ITPR3: variants seen among roughly 807,000 people sequenced by gnomAD.
ITPR3 encodes inositol 1,4,5-trisphosphate receptor type 3.
ITPR3 carries 173 observed loss-of-function variants against 293.2 expected under a neutral mutation model. The observed-to-expected ratio is 0.59, with a 90% CI of 0.52 to 0.67. The LOEUF is 0.67. ITPR3 is among the 30% of genes least tolerant of loss of function. The probability of loss-of-function intolerance (pLI) is 0.00; values close to 1 mark genes in which losing one functional copy is unlikely to be tolerated. For synonymous variants in ITPR3, 1,295 were observed against 1,444.4 expected, an observed-to-expected ratio of 0.90 and a Z score of 2.35; for missense variants, 2,796 against 3,592.1, an observed-to-expected ratio of 0.78 and a Z score of 5.66.
chr6:33,696,031 C>A lies in ITPR3; in HGVS notation c.*251C>A. 1 of 527,198 alleles carries A rather than the reference C, an allele frequency of 1.9e-6. No homozygotes were observed. Among genetic ancestry groups the A allele is most frequent in the South Asian group, 2.5e-5 (1 of 39,424 alleles). The allele number at this position is 527,198 out of a possible 1,614,324, so 32.7% of individuals were successfully genotyped here. ...GACTCAGTTTACCTTAATGCCTTAGCAGAAGATAAATCCTACCTAGAGACC... is the reference window on the plus strand; with the variant it reads ...GACTCAGTTTACCTTAATGCCTTAGAAGAAGATAAATCCTACCTAGAGACC... On this transcript the variant is annotated 3_prime_UTR_variant, in exon 58 of 58. Coordinates refer to ENST00000605930, the MANE Select transcript of ITPR3 (RefSeq NM_002224.4).
chr6:33,690,842 T>C, intron 51 of ITPR3, 75 bp from the exon 52 acceptor site: 1 of 1,383,238 alleles, frequency 7.2e-7, no homozygotes, highest in Non-Finnish European at 1.0e-6. Flanking sequence ...CCCTCAGGGT[T>C]CCAGTGGCAG....
chr6:33,659,588 C>T, intron 7 of ITPR3, 39 bp downstream of exon 7: 1 of 1,548,738 alleles, frequency 6.5e-7, no homozygotes, highest in Non-Finnish European at 8.9e-7. Flanking sequence ...AGCTGGCCAC[C>T]TAGCCCTCCC....
At chr6:33,678,393 G>A in intron 28 of ITPR3, 28 bp from the exon 29 acceptor site, 2 of 1,609,930 alleles carry the variant, frequency 1.2e-6, no homozygotes, top group Non-Finnish European at 1.7e-6. Flanking sequence ...GGTGGGCCCA[G>A]CACCCTCTCC....
chr6:33,691,262 C>G lies in ITPR3; in HGVS notation c.7225+153C>G, dbSNP rs1340635219. Among the ~76,000 whole-genome samples, 33 of 152,352 alleles carry G rather than the reference C, an allele frequency of 2.2e-4. 1 individual carries two copies. Among genetic ancestry groups the G allele is most frequent in the African/African-American group, 7.5e-4 (31 of 41,584 alleles). On this transcript the variant is annotated intron_variant, in intron 52 of 57. Transcript: ENST00000605930. The surrounding 1 kb of genome is among the most constrained non-coding windows in gnomAD (Gnocchi z 4.9). Reference sequence around the variant, plus strand: ...CTGGGGACGTCTAGCTAACACCAGTCTGCCTCGCTCTTTTCTGGAACACAC... The same window carrying G: ...CTGGGGACGTCTAGCTAACACCAGTGTGCCTCGCTCTTTTCTGGAACACAC...
At chr6:33,665,620 C>CA (rs2127274685) in intron 13 of ITPR3, among the ~76,000 whole-genome samples, 1 of 145,262 alleles carries the variant, frequency 6.9e-6, no homozygotes, top group African/African-American at 2.5e-5. Context: ...GTCTTGGGGC[C>CA]ACTTTGGAAT....
intron 7 of ITPR3, among the ~76,000 whole-genome samples, chr6:33,661,241 A>C (rs114187420): frequency 0.012 from 1,798 of 152,240 alleles, 40 homozygotes; most frequent in African/African-American, 0.038. Flanking sequence ...CTTTGTGTCT[A>C]GTGTGTGTTC....
Position 33,688,769 on chromosome 6 carries a change from G to A in ITPR3, c.6682G>A (p.Gly2228Ser), listed in dbSNP as rs925669004. 1 of 1,614,170 alleles carries A rather than the reference G, an allele frequency of 6.2e-7. No individual in the cohort carries two copies. Reference sequence around the variant, plus strand: ...TGCCTTCTTCTACCCTTACATGGAGGGCGCGTCCACAGGTGAGAACACAGG... The same window carrying A: ...TGCCTTCTTCTACCCTTACATGGAGAGCGCGTCCACAGGTGAGAACACAGG... Reference protein sequence around the residue: ...IIAFFYPYMEGASTGVLDSPL... With the variant: ...IIAFFYPYMESASTGVLDSPL... Residue 2228 changes from glycine (G) to serine (S), a missense_variant, in exon 49 of 58, where the codon GGC becomes AGC. Around this residue, in one of 8 missense-constraint regions of ITPR3, gnomAD observed 568 missense variants for 796.1 expected, o/e 0.71. Transcript: ENST00000605930.
rs1561885429 is a variant in ITPR3 at position 33,693,611 on chromosome 6, A to C, written c.7691A>C (p.Asn2564Thr). 6.2e-7 allele frequency: 1 copy of C among 1,614,234 alleles called. No individual in the cohort carries two copies. Among genetic ancestry groups the C allele is most frequent in the East Asian group, 2.2e-5 (1 of 44,890 alleles). The change falls in exon 56 of 58, where the codon AAC becomes ACC. Residue 2564 changes from asparagine to threonine, a missense_variant. Physicochemically the swap from Asn to Thr is moderately conservative, Grantham distance 65 (BLOSUM62 0). This residue lies in a region of ITPR3 where 568 missense variants were observed against 796.1 expected (regional missense o/e 0.71). Coordinates refer to ENST00000605930, the MANE Select transcript of ITPR3 (RefSeq NM_002224.4). ...SFEEHIKLEH[N>T]MWNYLYFIVL... is the part of the protein sequence containing the mutation. ...GAGGAACACATCAAGCTGGAGCACA[A>C]CATGTGGAACTACTTGTACTTCATT...
intron 1 of ITPR3, among the ~76,000 whole-genome samples, chr6:33,636,885 G>A: frequency 6.6e-6 from 1 of 152,136 alleles, no homozygotes; most frequent in East Asian, 1.9e-4. Flanking sequence ...GGTGCTGGAG[G>A]CCGGGAGAGA....
chr6:33,665,511 A>C (rs1387793176), intron 13 of ITPR3, among the ~76,000 whole-genome samples: 1 of 152,116 alleles, frequency 6.6e-6, no homozygotes, highest in Non-Finnish European at 1.5e-5. Context: ...ACAGTTAGTA[A>C]GTGGCAGAGT....
At chr6:33,649,172 G>C (rs138382122) in intron 2 of ITPR3, among the ~76,000 whole-genome samples, 1 of 152,218 alleles carries the variant, frequency 6.6e-6, no homozygotes, top group Admixed American at 6.5e-5. Context: ...CAAAGTGCTG[G>C]GATTACAGGT....
Position 33,684,705 on chromosome 6 carries a change from C to T in ITPR3, c.5137+17C>T, listed in dbSNP as rs772961685. The stretch of plus-strand genomic sequence containing the variant: ...TAGGCACTGGTCAGTATCACCTTCC[C>T]CTGCCCCCGGGCCCTCCCTTCCACT... On this transcript the variant is annotated intron_variant, in intron 38 of 57. Transcript: ENST00000605930. This position sits in a 1 kb window ranked among gnomAD's most constrained non-coding sequence, Gnocchi z 4.2. The T allele has an allele frequency of 1.2e-4, 199 of 1,613,060 alleles. No individual in the cohort carries two copies. The highest frequency in any genetic ancestry group is 1.6e-4 in the Non-Finnish European group (190 of 1,179,492).
In ITPR3 at chr6:33,658,023, G is replaced by A; in HGVS notation, c.369+5G>A. 1 of 1,608,990 alleles carries A rather than the reference G, an allele frequency of 6.2e-7. No individual in the cohort carries two copies. Among genetic ancestry groups the A allele is most frequent in the African/African-American group, 1.3e-5 (1 of 74,840 alleles). On this transcript the variant is annotated splice_donor_5th_base_variant and intron_variant, in intron 4 of 57. Coordinates refer to ENST00000605930, the MANE Select transcript of ITPR3 (RefSeq NM_002224.4). The surrounding 1 kb of genome is among the most constrained non-coding windows in gnomAD (Gnocchi z 6.1). ...AAGTATGGCAGTGTGATCCAGGTGA[G>A]GCTGGCCTGCCTCTCTCCCGCCTGC...
intron 3 of ITPR3, 147 bp from the exon 4 acceptor site, chr6:33,657,785 G>A: frequency 1.6e-6 from 1 of 636,288 alleles, no homozygotes; most frequent in Non-Finnish European, 2.8e-6. Flanking sequence ...GCTGGGGCAG[G>A]GGTCCAAGGG....
rs1473019013 is a variant in ITPR3, at chr6:33,682,604, G to C, written c.4557G>C (p.Lys1519Asn). 6.3e-7 allele frequency: 1 copy of C among 1,597,402 alleles called. No homozygotes were observed. The highest frequency in any genetic ancestry group is 8.5e-7 in the Non-Finnish European group (1 of 1,172,866). Residue 1519 changes from lysine (K) to asparagine (N), a missense_variant, in exon 34 of 58, where the codon AAG becomes AAC. Coordinates refer to ENST00000605930, the MANE Select transcript of ITPR3 (RefSeq NM_002224.4). The surrounding 1 kb of genome is among the most constrained non-coding windows in gnomAD (Gnocchi z 5.4). ...LECPWLQQQH[K>N]GSVEACIRTL... ...GTCCGTGGCTACAGCAGCAGCACAA[G>C]GGCTCCGTGGAGGCCTGCATCCGGA...
chr6:33,695,052 C>A lies in ITPR3; in HGVS notation c.7914C>A (p.His2638Gln). ...ACTCCACCATGAAGCTGGTGTCCCACCTCACTGCCCAGCTCAACGAGCTCA... is the reference window on the plus strand; with the variant it reads ...ACTCCACCATGAAGCTGGTGTCCCAACTCACTGCCCAGCTCAACGAGCTCA... ...KLNSTMKLVS[H>Q]LTAQLNELKE... The change falls in exon 57 of 58, where the codon CAC (histidine) becomes CAA (glutamine). Residue 2638 changes from histidine (H) to glutamine (Q), a missense_variant. Coordinates refer to ENST00000605930, the MANE Select transcript of ITPR3 (RefSeq NM_002224.4). 1 of 1,614,050 alleles carries A rather than the reference C, an allele frequency of 6.2e-7. No homozygotes were observed. The highest frequency in any genetic ancestry group is 1.1e-5 in the South Asian group (1 of 91,070).
In ITPR3 at chr6:33,688,355, G is replaced by A. The variant is rs201467875; in HGVS notation, c.6492G>A (p.Gln2164=). The change falls in exon 48 of 58, where the codon CAG becomes CAA. Residue 2164 remains glutamine, a synonymous_variant. Coordinates refer to ENST00000605930, the MANE Select transcript of ITPR3 (RefSeq NM_002224.4). The part of the protein sequence containing the change: ...RLFTTTEQDE[Q]GSKVSDFFDQ... ...TCACCACTACTGAGCAGGACGAGCA[G>A]GGCAGCAAAGTGAGCGACTTCTTCG... The A allele has an allele frequency of 1.2e-6, 2 of 1,613,866 alleles. No individual in the cohort carries two copies. Among genetic ancestry groups the A allele is most frequent in the East Asian group, 4.5e-5 (2 of 44,854 alleles).
At chr6:33,680,966 G>A (rs1312442117) in intron 33 of ITPR3, among the ~76,000 whole-genome samples, 1 of 151,830 alleles carries the variant, frequency 6.6e-6, no homozygotes, top group Admixed American at 6.6e-5. Context: ...GACTACAGGT[G>A]CCCGCCACCA....
chr6:33,693,759 C>A, intron 56 of ITPR3, 54 bp downstream of exon 56: 2 of 1,589,158 alleles, frequency 1.3e-6, no homozygotes, highest in South Asian at 2.2e-5. Flanking sequence ...ATTCTAGAGT[C>A]ATCACTGTGC....
Sources: gnomAD v4.1 joint callset for allele counts (sites outside exome capture counted in the v4.1 genomes callset) on GRCh38, gnomAD v4.1.1 for gene constraint, gnomAD v4.1.1 regional missense constraint, Gnocchi (gnomAD v3.1) non-coding constraint, MANE v1.5 for transcripts, NCBI Gene and HGNC (gene_info 2026-07-23, HGNC 2026-07-21) for gene names.